The following PXDNL variants were observed in gnomAD, a reference collection of about 807,000 sequenced individuals.
The protein encoded by PXDNL is peroxidasin like.
Under a neutral mutation model 150.8 loss-of-function variants are expected in PXDNL, and 145 were observed. That is an observed-to-expected ratio of 0.96 (90% confidence interval 0.84 to 1.10). The LOEUF is 1.10. Ranked by LOEUF, PXDNL falls within the 50% of genes least tolerant of loss-of-function variation. PXDNL has a pLI of 0.00. For synonymous variants in PXDNL, 757 were observed against 725.7 expected (o/e 1.04, Z -0.69); for missense variants, 2,087 against 1,873.9 (o/e 1.11, Z -2.10).
At chr8:51,606,519 C>A (rs767633764) in intron 2 of PXDNL, among the ~76,000 whole-genome samples, 1 of 152,156 alleles carries the variant, frequency 6.6e-6, no homozygotes, top group Admixed American at 6.5e-5. Context: ...CTATAAAGTT[C>A]TTTAACCAAA....
chr8:51,680,897 T>C (rs1161343175), intron 1 of PXDNL, among the ~76,000 whole-genome samples: 1 of 152,190 alleles, frequency 6.6e-6, no homozygotes, highest in East Asian at 1.9e-4. Context: ...TATTTTAGTA[T>C]GGAATTTCCC....
chr8:51,375,027 A>G (rs1004519314), intron 17 of PXDNL, among the ~76,000 whole-genome samples: 3 of 151,092 alleles, frequency 2.0e-5, no homozygotes, highest in African/African-American at 7.3e-5. Context: ...GTATAACTGT[A>G]TATATATATA....
chr8:51,654,535 T>C (rs1815112150), intron 2 of PXDNL, among the ~76,000 whole-genome samples, 154 bp downstream of exon 2: 1 of 152,184 alleles, frequency 6.6e-6, no homozygotes, highest in South Asian at 2.1e-4. Context: ...ATAGGCAGTG[T>C]AAAGAAGCAG....
chr8:51,372,048 C>T lies in PXDNL; in HGVS notation c.3726G>A (p.Pro1242=), dbSNP rs759395371. The T allele has an allele frequency of 2.5e-6, 4 of 1,603,800 alleles. No individual in the cohort carries two copies. Among genetic ancestry groups the T allele is most frequent in the Non-Finnish European group, 3.4e-6 (4 of 1,174,972 alleles). ...CCTGCTTCAGCTGAGTGAGTTGTGC[C>T]GGGGTAAATACTCCAGGGTTTTCAT... ...FWYENPGVFT[P]AQLTQLKQAS... The change falls in exon 19 of 23, where the codon CCG becomes CCA. Residue 1242 remains proline, a synonymous_variant. Coordinates refer to ENST00000356297, the MANE Select transcript of PXDNL (RefSeq NM_144651.5).
intron 5 of PXDNL, among the ~76,000 whole-genome samples, chr8:51,495,105 T>G (rs1811012743): frequency 6.6e-6 from 1 of 151,890 alleles, no homozygotes; most frequent in African/African-American, 2.4e-5. Context: ...GCAATCAAAC[T>G]AGAACCCAGG....
chr8:51,444,080 T>C (rs1809616356), intron 12 of PXDNL, among the ~76,000 whole-genome samples: 1 of 152,198 alleles, frequency 6.6e-6, no homozygotes, highest in Non-Finnish European at 1.5e-5. Context: ...TATGTAAAGG[T>C]CAAGATTTAA....
At chr8:51,361,498 A>G (rs922695282) in intron 19 of PXDNL, among the ~76,000 whole-genome samples, 1 of 152,192 alleles carries the variant, frequency 6.6e-6, no homozygotes, top group Admixed American at 6.5e-5. Context: ...TTAGTTTCTA[A>G]AGAACTGAAT....
chr8:51,587,177 T>C (rs182409226), intron 3 of PXDNL, among the ~76,000 whole-genome samples: 2 of 152,296 alleles, frequency 1.3e-5, no homozygotes, highest in Admixed American at 6.5e-5. Flanking sequence ...TTGGAGTTTA[T>C]CATTAGATTA....
intron 17 of PXDNL, among the ~76,000 whole-genome samples, chr8:51,406,072 G>A (rs1808427816): frequency 6.6e-6 from 1 of 152,202 alleles, no homozygotes; most frequent in Admixed American, 6.5e-5. Context: ...GACAGTGGCC[G>A]ACAGTGGAGG....
intron 4 of PXDNL, among the ~76,000 whole-genome samples, chr8:51,503,155 A>G (rs1052163117): frequency 6.6e-6 from 1 of 152,032 alleles, no homozygotes; most frequent in African/African-American, 2.4e-5. Context: ...AATCACTGCA[A>G]TCTTAGACTC....
At position 51,613,493 on chromosome 8, in the gene PXDNL, G is replaced by GT. The variant is rs537158833; in HGVS notation, c.237-20796_237-20795insA. Among the ~76,000 whole-genome samples the GT allele has an allele frequency of 3.2e-3, 379 of 118,716 alleles. 3 individuals carry two copies. The highest frequency in any genetic ancestry group is 0.015 in the South Asian group (45 of 2,912). The allele number at this position is 118,716 out of a possible 152,430, so 77.9% of individuals were successfully genotyped here. ...TCACAGCTTAAGGGGGCGGGGGGGG[G>GT]GCAGGGCGGCAGAGGGGGAAGACAA... On this transcript the variant is annotated intron_variant, in intron 2 of 22. Transcript: ENST00000356297.
At chr8:51,371,741 C>T in intron 19 of PXDNL, 132 bp downstream of exon 19, 1 of 839,220 alleles carries the variant, frequency 1.2e-6, no homozygotes, top group Non-Finnish European at 1.8e-6. Flanking sequence ...GTCAGATTTC[C>T]AAAAGGAAAG....
At chr8:51,390,698 C>A (rs1420668379) in intron 17 of PXDNL, among the ~76,000 whole-genome samples, 1 of 151,832 alleles carries the variant, frequency 6.6e-6, no homozygotes, top group East Asian at 1.9e-4. Context: ...AATGAGGTGA[C>A]AAGCCGACCT....
At chr8:51,779,981 G>A (rs1040842903) in intron 1 of PXDNL, among the ~76,000 whole-genome samples, 1 of 152,122 alleles carries the variant, frequency 6.6e-6, no homozygotes, top group Non-Finnish European at 1.5e-5. Context: ...GGAGGCTGAG[G>A]TGTGTGGATC....
rs184237757 is a variant in PXDNL, at chr8:51,452,768, C to G, written c.1249+751G>C. Among the ~76,000 whole-genome samples, 250 of 152,300 alleles carry G rather than the reference C, an allele frequency of 1.6e-3. 1 individual carries two copies. The highest frequency in any genetic ancestry group is 5.6e-3 in the African/African-American group (233 of 41,564). ...ATATCAGGAAGCCCCTAAAACGGAT[C>G]ATGTAAATTACCGTACTCTCATCAA... On this transcript the variant is annotated intron_variant, in intron 10 of 22. Transcript: ENST00000356297.
intron 17 of PXDNL, among the ~76,000 whole-genome samples, chr8:51,394,871 G>A (rs115567651): frequency 0.013 from 1,922 of 152,316 alleles, 41 homozygotes; most frequent in African/African-American, 0.044. Context: ...GCACTTGATT[G>A]TGGAATACAA....
intron 18 of PXDNL, among the ~76,000 whole-genome samples, chr8:51,373,355 C>G (rs1156996913): frequency 1.3e-5 from 2 of 152,182 alleles, no homozygotes; most frequent in African/African-American, 4.8e-5. Flanking sequence ...TAACAAATTT[C>G]TGTTGTCTAA....
chr8:51,436,195 A>G, intron 12 of PXDNL: 1 of 522,816 alleles, frequency 1.9e-6, no homozygotes, highest in South Asian at 1.4e-5. Context: ...TCATCCCAAA[A>G]GCCAACCATT....
chr8:51,770,464 G>A (rs1326198156), intron 1 of PXDNL, among the ~76,000 whole-genome samples: 1 of 152,204 alleles, frequency 6.6e-6, no homozygotes, highest in Non-Finnish European at 1.5e-5. Flanking sequence ...CTTCTGCTCT[G>A]AAGGAGTTTT....
Sources: allele counts gnomAD v4.1 joint callset (sites outside exome capture counted in the v4.1 genomes callset), GRCh38; gene constraint gnomAD v4.1.1; transcripts MANE v1.5; gene names NCBI Gene and HGNC (gene_info 2026-07-23, HGNC 2026-07-21).